Variants in TNIP3 observed in about 807,000 individuals in gnomAD.
TNIP3 encodes the protein TNFAIP3-interacting protein 3.
A neutral mutation model predicts 54.1 loss-of-function variants in TNIP3; 34 were observed. That is an observed-to-expected ratio of 0.63 (90% CI 0.48 to 0.84). TNIP3 has a LOEUF of 0.84. Among genes scored for constraint, TNIP3 ranks in the 40% least tolerant of loss-of-function variants. TNIP3 has a pLI of 0.00. For synonymous variants in TNIP3, 134 were observed against 136.8 expected (o/e 0.98, Z 0.14); for missense variants, 366 against 387.6 (o/e 0.94, Z 0.47).
chr4:121,148,021 C>G (rs10021787), intron 6 of TNIP3, among the ~76,000 whole-genome samples: 5,465 of 152,248 alleles, frequency 0.036, 329 homozygotes, highest in African/African-American at 0.12. Context: ...GAAACTACAT[C>G]CAGCCACATT....
chr4:121,225,670 A>T (rs1043195031), intron 1 of TNIP3, among the ~76,000 whole-genome samples: 1 of 152,208 alleles, frequency 6.6e-6, no homozygotes, highest in African/African-American at 2.4e-5. Flanking sequence ...CAATTTTTAA[A>T]AGTTAACAAA....
rs1003625423 is a variant in TNIP3, at chr4:121,177,914, A to G, written c.189+4762T>C. On this transcript the variant is annotated intron_variant, in intron 3 of 12. Coordinates refer to the TNIP3 transcript ENST00000507879. ...TACCTGCAGAGGACAATTGAGGAGG[A>G]TATGCCAGTGGTCTATTGGGATAAA... Among the ~76,000 whole-genome samples, 61 of 152,324 alleles carry G rather than the reference A, an allele frequency of 4.0e-4. 1 individual carries two copies. Among genetic ancestry groups the G allele is most frequent in the African/African-American group, 1.3e-3 (55 of 41,572 alleles).
chr4:121,138,176 C>T (rs1249969966), intron 10 of TNIP3, among the ~76,000 whole-genome samples: 1 of 152,192 alleles, frequency 6.6e-6, no homozygotes, highest in Non-Finnish European at 1.5e-5. Context: ...GCCTTGGAGT[C>T]TGACATTTAG....
intron 4 of TNIP3, among the ~76,000 whole-genome samples, chr4:121,155,070 C>G (rs559667773): frequency 6.6e-6 from 1 of 151,926 alleles, no homozygotes; most frequent in African/African-American, 2.4e-5. Context: ...TCAAGCAATT[C>G]TCCTGCCTCA....
At chr4:121,176,820 T>A (rs1364076816) in intron 3 of TNIP3, among the ~76,000 whole-genome samples, 1 of 152,210 alleles carries the variant, frequency 6.6e-6, no homozygotes, top group Non-Finnish European at 1.5e-5. Flanking sequence ...TATTAATCTC[T>A]GAACCAACCA....
At chr4:121,199,699 G>T (rs1489201232) in intron 2 of TNIP3, among the ~76,000 whole-genome samples, 1 of 152,202 alleles carries the variant, frequency 6.6e-6, no homozygotes, top group South Asian at 2.1e-4. Context: ...AGAGAAAGCT[G>T]ATCATGTAAA....
intron 2 of TNIP3, among the ~76,000 whole-genome samples, chr4:121,195,790 A>G (rs1415454979): frequency 1.3e-5 from 2 of 152,262 alleles, no homozygotes; most frequent in Non-Finnish European, 2.9e-5. Context: ...TATAGCTGGC[A>G]TTTCAGAAAT....
upstream of TNIP3, among the ~76,000 whole-genome samples, chr4:121,217,415 A>G (rs571121960): frequency 2.0e-4 from 31 of 152,280 alleles, no homozygotes; most frequent in South Asian, 3.7e-3. Flanking sequence ...CATTTCAGCT[A>G]TTGGCAAGCT....
chr4:121,146,174 AT>A (rs913681611), intron 7 of TNIP3, among the ~76,000 whole-genome samples: 1 of 152,132 alleles, frequency 6.6e-6, no homozygotes, highest in African/African-American at 2.4e-5. Context: ...CTGCAAAACA[AT>A]TTTTTCCATG....
At chr4:121,202,027 C>T (rs1373602601) in intron 2 of TNIP3, among the ~76,000 whole-genome samples, 1 of 152,034 alleles carries the variant, frequency 6.6e-6, no homozygotes. Context: ...CAAAATACTA[C>T]CATCATTTTT....
chr4:121,203,166 GAAACC>G (rs1401776067), intron 2 of TNIP3, among the ~76,000 whole-genome samples: 2 of 151,764 alleles, frequency 1.3e-5, no homozygotes, highest in African/African-American at 2.4e-5. Context: ...GCAAAAATAT[GAAACC>G]AGCCCAAATG....
At chr4:121,161,922 G>A (rs1231742304) in intron 1 of TNIP3, among the ~76,000 whole-genome samples, 3 of 151,950 alleles carry the variant, frequency 2.0e-5, no homozygotes, top group African/African-American at 7.3e-5. Flanking sequence ...TGCCTAAATC[G>A]ACTAAGAACA....
At chr4:121,141,755 A>T in intron 9 of TNIP3, 61 bp downstream of exon 9, 1 of 1,116,824 alleles carries the variant, frequency 9.0e-7, no homozygotes. Context: ...AATTCCAGAG[A>T]TGCACATAAT....
chr4:121,226,773 G>A (rs558668441), intron 1 of TNIP3, among the ~76,000 whole-genome samples: 6 of 152,212 alleles, frequency 3.9e-5, no homozygotes, highest in South Asian at 2.1e-4. Flanking sequence ...TTGCAATCTC[G>A]TTTGGGAAAT....
chr4:121,145,645 A>G (rs1468562321), intron 7 of TNIP3, among the ~76,000 whole-genome samples: 1 of 149,568 alleles, frequency 6.7e-6, no homozygotes, highest in Non-Finnish European at 1.5e-5. Flanking sequence ...TTATCATATA[A>G]AAATAAATTA....
At position 121,132,553 on chromosome 4, in the gene TNIP3, G is replaced by A. The variant is rs944411971; in HGVS notation, c.*78C>T. Reference sequence around the variant, plus strand: ...TGATGTGCCTTTGTGGCAGAAACAAGCCTCAGTATAAACAAAGAAGAGGGT... The same window carrying A: ...TGATGTGCCTTTGTGGCAGAAACAAACCTCAGTATAAACAAAGAAGAGGGT... On this transcript the variant is annotated 3_prime_UTR_variant, in exon 11 of 11. Transcript: ENST00000057513. The A allele has an allele frequency of 1.5e-6, 2 of 1,351,854 alleles. No homozygotes were observed. The highest frequency in any genetic ancestry group is 2.9e-5 in the African/African-American group (2 of 69,312). 83.7% of individuals were successfully genotyped at this position (1,351,854 alleles called of 1,614,324 possible). A position where few individuals can be genotyped will look rare whatever the true frequency, so the allele number is the denominator to read the frequency against.
chr4:121,133,528 T>C (rs990592038), intron 10 of TNIP3, among the ~76,000 whole-genome samples: 6 of 152,198 alleles, frequency 3.9e-5, no homozygotes, highest in Non-Finnish European at 7.4e-5. Context: ...AATCCACTAA[T>C]GATACCTCTC....
At chr4:121,153,760 C>T (rs1423216809) in intron 5 of TNIP3, among the ~76,000 whole-genome samples, 2 of 152,164 alleles carry the variant, frequency 1.3e-5, no homozygotes, top group African/African-American at 4.8e-5. Flanking sequence ...GTCCAAAATA[C>T]AGGGTTTGAG....
At chr4:121,216,389 A>G (rs1165240208) in intron 2 of TNIP3, 14 of 1,515,802 alleles carry the variant, frequency 9.2e-6, no homozygotes, top group South Asian at 2.4e-5. Flanking sequence ...TTAGAAGCAT[A>G]TAATCTCCAA....
Sources: gnomAD v4.1 joint callset for allele counts (sites outside exome capture counted in the v4.1 genomes callset) on GRCh38, gnomAD v4.1.1 for gene constraint, MANE v1.5 for transcripts, NCBI Gene and HGNC (gene_info 2026-07-23, HGNC 2026-07-21) for gene names.